The following LDB2 variants were observed in gnomAD, a reference collection of about 807,000 sequenced individuals.
LDB2 encodes the protein LIM domain-binding protein 2.
Under a neutral mutation model 44.3 loss-of-function variants are expected in LDB2, and 12 were observed. The ratio of observed to expected loss-of-function variants is 0.27; its 90% confidence interval spans 0.17 to 0.44. The LOEUF (loss-of-function observed/expected upper bound fraction) is 0.44, where lower values mean the gene tolerates loss of function less well. Among genes scored for constraint, LDB2 ranks in the 20% least tolerant of loss-of-function variants. The pLI, the probability that LDB2 is intolerant of heterozygous loss-of-function variation, is 1.00. For missense variants in LDB2, 344 were observed against 473.5 expected, an observed-to-expected ratio of 0.73 and a Z score of 2.54; for synonymous variants, 164 against 174.8, an observed-to-expected ratio of 0.94 and a Z score of 0.49.
chr4:16,773,501 G>A (rs117219501), intron 1 of LDB2, among the ~76,000 whole-genome samples: 2 of 152,200 alleles, frequency 1.3e-5, no homozygotes, highest in East Asian at 1.9e-4. Context: ...GTGCAACCTC[G>A]ATCCCTCGCA....
intron 6 of LDB2, among the ~76,000 whole-genome samples, chr4:16,510,403 C>A (rs1340644052): frequency 2.6e-5 from 4 of 152,098 alleles, no homozygotes; most frequent in African/African-American, 7.2e-5. Flanking sequence ...TGTTCCAGGT[C>A]ATGGAGTTGA....
chr4:16,636,538 T>C (rs1040391076), intron 2 of LDB2, among the ~76,000 whole-genome samples: 1 of 152,222 alleles, frequency 6.6e-6, no homozygotes, highest in Admixed American at 6.5e-5. Flanking sequence ...ACAATAAGAT[T>C]GTCATTTACC....
intron 5 of LDB2, among the ~76,000 whole-genome samples, chr4:16,530,316 C>T (rs1729711640): frequency 6.6e-6 from 1 of 152,202 alleles, no homozygotes; most frequent in Non-Finnish European, 1.5e-5. Context: ...ACACTTTCCC[C>T]TTTTCAAATA....
At chr4:16,636,504 C>T (rs1362671287) in intron 2 of LDB2, among the ~76,000 whole-genome samples, 1 of 152,176 alleles carries the variant, frequency 6.6e-6, no homozygotes, top group South Asian at 2.1e-4. Context: ...ACTCTAGTTA[C>T]TTAGGAGATA....
At chr4:16,697,441 G>A (rs376747303) in intron 2 of LDB2, among the ~76,000 whole-genome samples, 1 of 151,040 alleles carries the variant, frequency 6.6e-6, no homozygotes, top group African/African-American at 2.4e-5. Flanking sequence ...CAGCCTGGGC[G>A]ACAGAGCAAG....
chr4:16,669,594 C>G (rs1421907681), intron 2 of LDB2, among the ~76,000 whole-genome samples: 3 of 152,186 alleles, frequency 2.0e-5, no homozygotes, highest in Admixed American at 6.5e-5. Flanking sequence ...CATGGATCCA[C>G]AGAGGAAGGT....
chr4:16,784,482 TGA>T (rs1773952638), intron 1 of LDB2, among the ~76,000 whole-genome samples: 1 of 152,182 alleles, frequency 6.6e-6, no homozygotes, highest in Non-Finnish European at 1.5e-5. Context: ...GTCCCAAGCA[TGA>T]GAGTCTCTTG....
intron 2 of LDB2, among the ~76,000 whole-genome samples, chr4:16,649,918 G>A (rs186024347): frequency 4.6e-4 from 70 of 152,248 alleles, no homozygotes; most frequent in African/African-American, 1.5e-3. Context: ...GAAAATATCC[G>A]CAAGTAATAT....
chr4:16,568,915 G>A (rs548889421), intron 5 of LDB2, among the ~76,000 whole-genome samples: 5 of 152,274 alleles, frequency 3.3e-5, no homozygotes, highest in East Asian at 1.9e-4. Flanking sequence ...GAGGAATTTC[G>A]CAGGCAAGGT....
In LDB2 at chr4:16,848,319, C is replaced by T. The variant is rs115179392; in HGVS notation, c.132+50035G>A. Among the ~76,000 whole-genome samples, 344 of 152,276 alleles carry T rather than the reference C, an allele frequency of 2.3e-3. 1 individual carries two copies. The highest frequency in any genetic ancestry group is 8.0e-3 in the African/African-American group (333 of 41,544). ...ATTTGGAGAAGTCCATGTATATACA[C>T]TATAATCTAATTAATGGCATTTGTA... On this transcript the variant is annotated intron_variant, in intron 1 of 7. Coordinates refer to ENST00000304523, the MANE Select transcript of LDB2 (RefSeq NM_001290.5).
At chr4:16,879,801 G>A (rs957494023) in intron 1 of LDB2, among the ~76,000 whole-genome samples, 1 of 152,122 alleles carries the variant, frequency 6.6e-6, no homozygotes. Flanking sequence ...AACTAACACA[G>A]AGGGAGTAGA....
chr4:16,895,133 A>G (rs1170240113), intron 1 of LDB2, among the ~76,000 whole-genome samples: 1 of 151,738 alleles, frequency 6.6e-6, no homozygotes, highest in Non-Finnish European at 1.5e-5. Flanking sequence ...AAAAAAAAAA[A>G]AAAAGAAAAT....
chr4:16,676,266 T>G (rs764736842), intron 2 of LDB2, among the ~76,000 whole-genome samples: 20 of 152,242 alleles, frequency 1.3e-4, no homozygotes, highest in Non-Finnish European at 2.2e-4. Flanking sequence ...TAACTTAGTG[T>G]TCAGGACCCA....
Position 16,789,447 on chromosome 4 carries a change from T to C in LDB2, c.133-30187A>G, listed in dbSNP as rs553876346. 3.3e-4 allele frequency among the ~76,000 whole-genome samples: 51 copies of C among 152,332 alleles called. No individual in the cohort carries two copies. The Middle Eastern group carries it at 0.01, about 30-fold the overall frequency. On this transcript the variant is annotated intron_variant, in intron 1 of 7. Transcript: ENST00000304523. ...GAAACAAAGAAAGAAGCTCAAACTTTGGATGCTCTGAAACCAATGTAACGA... is the reference window on the plus strand; with the variant it reads ...GAAACAAAGAAAGAAGCTCAAACTTCGGATGCTCTGAAACCAATGTAACGA...
intron 2 of LDB2, among the ~76,000 whole-genome samples, chr4:16,664,295 A>C (rs757031768): frequency 2.7e-4 from 41 of 152,190 alleles, no homozygotes; most frequent in Non-Finnish European, 4.3e-4. Context: ...CTCACTAGAC[A>C]CCTAATCTGC....
chr4:16,783,843 C>T (rs1346994737), intron 1 of LDB2, among the ~76,000 whole-genome samples: 1 of 152,140 alleles, frequency 6.6e-6, no homozygotes, highest in Non-Finnish European at 1.5e-5. Flanking sequence ...CTTTTCCCCC[C>T]TTTTGCCTTT....
At chr4:16,632,437 TA>T (rs1264319840) in intron 2 of LDB2, among the ~76,000 whole-genome samples, 1 of 152,148 alleles carries the variant, frequency 6.6e-6, no homozygotes, top group Non-Finnish European at 1.5e-5. Context: ...TATCTCAAAA[TA>T]ATAAGAGCTA....
At chr4:16,616,009 GA>G (rs1335920525) in intron 2 of LDB2, among the ~76,000 whole-genome samples, 1 of 152,168 alleles carries the variant, frequency 6.6e-6, no homozygotes, top group African/African-American at 2.4e-5. Flanking sequence ...ATGTTGTACA[GA>G]TGGTATAAAA....
At chr4:16,663,038 A>G (rs937706832) in intron 2 of LDB2, among the ~76,000 whole-genome samples, 3 of 152,038 alleles carry the variant, frequency 2.0e-5, no homozygotes. Flanking sequence ...CACTCCAAGT[A>G]TTTGTTTCCT....
Sources: gnomAD v4.1 joint callset for allele counts (sites outside exome capture counted in the v4.1 genomes callset) on GRCh38, gnomAD v4.1.1 for gene constraint, MANE v1.5 for transcripts, NCBI Gene and HGNC (gene_info 2026-07-23, HGNC 2026-07-21) for gene names.